The following REEP3 variants were observed in gnomAD, a reference collection of about 807,000 sequenced individuals.
REEP3 encodes receptor accessory protein 3.
In REEP3, 20 loss-of-function variants were observed where a neutral mutation model predicts 41.3. The observed-to-expected ratio is 0.48, with a 90% confidence interval of 0.34 to 0.70. The LOEUF (loss-of-function observed/expected upper bound fraction) is 0.70, where lower values mean the gene tolerates loss of function less well. Ranked by LOEUF, REEP3 falls within the 30% of genes least tolerant of loss-of-function variation. The pLI is 0.01. For synonymous variants in REEP3, 104 were observed against 101.8 expected (o/e 1.02, Z -0.13); for missense variants, 271 against 308.8 (o/e 0.88, Z 0.92).
At chr10:63,597,159 C>T (rs1956122779) in intron 3 of REEP3, among the ~76,000 whole-genome samples, 2 of 152,120 alleles carry the variant, frequency 1.3e-5, no homozygotes, top group African/African-American at 4.8e-5. Flanking sequence ...ACTGGGCCAA[C>T]GGGGGAGGCC....
chr10:63,566,742 C>T (rs567299737), intron 2 of REEP3, among the ~76,000 whole-genome samples: 4 of 152,166 alleles, frequency 2.6e-5, no homozygotes, highest in African/African-American at 9.6e-5. Flanking sequence ...TTTATAGGTA[C>T]ATTGAGAATA....
At chr10:63,600,125 A>G in intron 5 of REEP3, among the ~76,000 whole-genome samples, 1 of 152,216 alleles carries the variant, frequency 6.6e-6, no homozygotes, top group East Asian at 1.9e-4. Context: ...TTGAGATTGA[A>G]TAGTATTCTG....
chr10:63,619,488 G>T (rs1956336119), intron 6 of REEP3, among the ~76,000 whole-genome samples, 167 bp from the exon 7 acceptor site: 1 of 152,196 alleles, frequency 6.6e-6, no homozygotes. Context: ...ACCTGGAATA[G>T]TGCGAGGCAA....
chr10:63,569,347 T>C (rs566771734), intron 2 of REEP3, among the ~76,000 whole-genome samples: 7 of 152,148 alleles, frequency 4.6e-5, no homozygotes, highest in African/African-American at 7.2e-5. Flanking sequence ...CTCTCAACAT[T>C]GGGCCCATTT....
intron 1 of REEP3, among the ~76,000 whole-genome samples, chr10:63,536,051 A>G (rs1589857851): frequency 1.3e-5 from 2 of 152,332 alleles, no homozygotes; most frequent in African/African-American, 4.8e-5. Flanking sequence ...AGCAGTTTCA[A>G]ACTAATTTGT....
intron 2 of REEP3, among the ~76,000 whole-genome samples, chr10:63,577,744 C>G (rs1184637800): frequency 1.3e-5 from 2 of 152,066 alleles, no homozygotes; most frequent in Non-Finnish European, 2.9e-5. Flanking sequence ...CTCTGTAACC[C>G]TTTTGACCAG....
intron 2 of REEP3, among the ~76,000 whole-genome samples, chr10:63,566,644 G>A (rs1039138504): frequency 2.0e-5 from 3 of 152,166 alleles, no homozygotes; most frequent in African/African-American, 7.2e-5. Flanking sequence ...TCTTGATTTA[G>A]TCTATAAATT....
intron 2 of REEP3, 76 bp from the exon 3 acceptor site, chr10:63,594,698 AATAC>A (rs960539326): frequency 1.2e-4 from 102 of 874,762 alleles, no homozygotes; most frequent in Non-Finnish European, 1.5e-4. Flanking sequence ...GAAATCCAGA[AATAC>A]ATACATACAT....
At chr10:63,562,120 A>C (rs755141517) in intron 1 of REEP3, among the ~76,000 whole-genome samples, 25 of 152,032 alleles carry the variant, frequency 1.6e-4, no homozygotes, top group Non-Finnish European at 3.5e-4. Flanking sequence ...TGTGCGGTGG[A>C]GGAGTGGTGG....
chr10:63,571,170 C>A (rs1049596078), intron 2 of REEP3, among the ~76,000 whole-genome samples: 1 of 152,084 alleles, frequency 6.6e-6, no homozygotes, highest in East Asian at 1.9e-4. Flanking sequence ...TGAGATGTCA[C>A]CTTGGAATAG....
chr10:63,586,988 T>G (rs561225928), intron 2 of REEP3, among the ~76,000 whole-genome samples: 2 of 152,098 alleles, frequency 1.3e-5, no homozygotes, highest in South Asian at 2.1e-4. Context: ...ATGCATGTTT[T>G]TTTTTTTTTT....
At chr10:63,604,658 A>G (rs977942019) in intron 5 of REEP3, among the ~76,000 whole-genome samples, 1 of 152,228 alleles carries the variant, frequency 6.6e-6, no homozygotes, top group African/African-American at 2.4e-5. Context: ...CTTAAAAAAA[A>G]AGGGAAGAAT....
chr10:63,570,459 C>G (rs753371584), intron 2 of REEP3, among the ~76,000 whole-genome samples: 48 of 152,076 alleles, frequency 3.2e-4, no homozygotes, highest in Non-Finnish European at 6.2e-4. Flanking sequence ...TTTTATTTAA[C>G]TTTGATTGTA....
At chr10:63,542,420 A>G (rs1026583504) in intron 1 of REEP3, among the ~76,000 whole-genome samples, 3 of 152,190 alleles carry the variant, frequency 2.0e-5, no homozygotes, top group African/African-American at 7.2e-5. Context: ...CTGCATCTCT[A>G]AAATGAGGAC....
intron 1 of REEP3, among the ~76,000 whole-genome samples, chr10:63,565,271 C>T (rs1310701852): frequency 6.6e-6 from 1 of 152,020 alleles, no homozygotes; most frequent in Non-Finnish European, 1.5e-5. Context: ...ATCAATTGGT[C>T]AATCAATAAA....
At chr10:63,599,025 A>AAAAAG (rs749591271) in intron 4 of REEP3, 145 bp from the exon 5 acceptor site, 1 of 549,368 alleles carries the variant, frequency 1.8e-6, no homozygotes, top group East Asian at 3.6e-5. Flanking sequence ...CTCTCTCAAA[A>AAAAAG]AAAAGAAAAG....
intron 2 of REEP3, among the ~76,000 whole-genome samples, chr10:63,592,142 A>G (rs569729829): frequency 2.6e-5 from 4 of 152,162 alleles, no homozygotes; most frequent in Non-Finnish European, 5.9e-5. Context: ...GGAGAGAGCC[A>G]GGAAATCCTA....
At chr10:63,522,637 G>A (rs1009986770) in intron 1 of REEP3, among the ~76,000 whole-genome samples, 1 of 152,092 alleles carries the variant, frequency 6.6e-6, no homozygotes, top group African/African-American at 2.4e-5. Flanking sequence ...TTAGAATTTA[G>A]GAAAAATAAC....
At chr10:63,618,166 TTTATGCTCC>T (rs1188319674) in intron 6 of REEP3, among the ~76,000 whole-genome samples, 2 of 151,462 alleles carry the variant, frequency 1.3e-5, no homozygotes, top group African/African-American at 4.9e-5. Context: ...AATTTAAGTA[TTTATGCTCC>T]TTATGCTCCT....
Sources: gnomAD v4.1 joint callset for allele counts (sites outside exome capture counted in the v4.1 genomes callset) on GRCh38, gnomAD v4.1.1 for gene constraint, MANE v1.5 for transcripts, NCBI Gene and HGNC (gene_info 2026-07-23, HGNC 2026-07-21) for gene names.